The following TLL1 variants were observed in gnomAD, a reference collection of about 807,000 sequenced individuals.
TLL1 encodes tolloid-like protein 1.
TLL1 carries 49 observed loss-of-function variants against 128.2 expected under a neutral mutation model. The ratio of observed to expected loss-of-function variants is 0.38; its 90% CI spans 0.30 to 0.48. The LOEUF (loss-of-function observed/expected upper bound fraction) is 0.48. Ranked by LOEUF, TLL1 falls within the 20% of genes least tolerant of loss-of-function variation. The pLI is 0.96. For synonymous variants in TLL1, 454 were observed against 418.8 expected (o/e 1.08, Z -1.03); for missense variants, 1,123 against 1,242.0 (o/e 0.90, Z 1.44).
In TLL1 at chr4:166,103,068, T is replaced by A. The variant is rs958181778; in HGVS notation, c.*2192T>A. On this transcript the variant is annotated 3_prime_UTR_variant, in exon 21 of 21. Coordinates refer to ENST00000061240, the MANE Select transcript of TLL1 (RefSeq NM_012464.5). ...CTGTCATCATGTTCTCGTTTTGTAGTTCAGAAAGTGAGGCTCAAAGAATTT... is the reference window on the plus strand; with the variant it reads ...CTGTCATCATGTTCTCGTTTTGTAGATCAGAAAGTGAGGCTCAAAGAATTT... 3 of 151,874 alleles carry A rather than the reference T, an allele frequency of 2.0e-5. No homozygotes were observed. The highest frequency in any genetic ancestry group is 7.2e-5 in the African/African-American group (3 of 41,422). The allele number at this position is 151,874 out of a possible 1,614,324, so 9.4% of individuals were successfully genotyped here. A position where few individuals can be genotyped will look rare whatever the true frequency, so the allele number is the denominator to read the frequency against.
intron 1 of TLL1, among the ~76,000 whole-genome samples, chr4:165,963,748 A>G (rs756475254): frequency 3.3e-5 from 5 of 152,138 alleles, no homozygotes; most frequent in Non-Finnish European, 7.3e-5. Flanking sequence ...GCCTGGTAGG[A>G]TAGAAGAGAA....
At chr4:166,062,023 G>A (rs1740340069) in intron 15 of TLL1, among the ~76,000 whole-genome samples, 1 of 152,044 alleles carries the variant, frequency 6.6e-6, no homozygotes, top group African/African-American at 2.4e-5. Context: ...AGATCAGATG[G>A]TTGTAGATGT....
At chr4:165,911,386 G>C (rs1732519194) in intron 1 of TLL1, among the ~76,000 whole-genome samples, 1 of 151,960 alleles carries the variant, frequency 6.6e-6, no homozygotes, top group Admixed American at 6.6e-5. Flanking sequence ...CTTTTTTATG[G>C]CTGAATAGTA....
intron 1 of TLL1, among the ~76,000 whole-genome samples, chr4:165,975,899 G>A (rs941098604): frequency 2.0e-5 from 3 of 151,740 alleles, no homozygotes; most frequent in African/African-American, 4.8e-5. Context: ...TTAGCTGGGC[G>A]TGGTGGTGTG....
intron 5 of TLL1, among the ~76,000 whole-genome samples, chr4:166,002,626 G>A (rs1214794235): frequency 6.6e-6 from 1 of 151,806 alleles, no homozygotes; most frequent in Non-Finnish European, 1.5e-5. Context: ...TGAATTTTTT[G>A]TAGAGATGGG....
At chr4:166,043,547 C>A (rs1249084770) in intron 12 of TLL1, 128 bp downstream of exon 12, 1 of 1,396,170 alleles carries the variant, frequency 7.2e-7, no homozygotes, top group Non-Finnish European at 1.0e-6. Flanking sequence ...AGCAAAGGAT[C>A]GCTCATAAAA....
At chr4:166,096,747 G>A (rs1429692077) in intron 19 of TLL1, among the ~76,000 whole-genome samples, 1 of 152,094 alleles carries the variant, frequency 6.6e-6, no homozygotes, top group Non-Finnish European at 1.5e-5. Context: ...CTCAAACTTG[G>A]AGAAGAGGTA....
At chr4:166,093,732 C>G (rs1560867362) in intron 19 of TLL1, among the ~76,000 whole-genome samples, 1 of 152,146 alleles carries the variant, frequency 6.6e-6, no homozygotes, top group African/African-American at 2.4e-5. Flanking sequence ...TTGGACAATA[C>G]CCGGCTTTCC....
chr4:166,076,650 A>T (rs758939744), intron 17 of TLL1, among the ~76,000 whole-genome samples: 16 of 152,152 alleles, frequency 1.1e-4, no homozygotes, highest in Non-Finnish European at 2.2e-4. Context: ...ACCTAGTCTC[A>T]GTGTCATCGC....
At chr4:166,010,464 G>A (rs1307372517) in intron 7 of TLL1, among the ~76,000 whole-genome samples, 1 of 151,038 alleles carries the variant, frequency 6.6e-6, no homozygotes, top group Non-Finnish European at 1.5e-5. Flanking sequence ...CTATGCCCAT[G>A]TCTAAATCAG....
At chr4:165,975,633 A>T (rs1410663086) in intron 1 of TLL1, among the ~76,000 whole-genome samples, 2 of 152,198 alleles carry the variant, frequency 1.3e-5, no homozygotes, top group Non-Finnish European at 2.9e-5. Flanking sequence ...ATAAAGCTAA[A>T]TGCTAAAATC....
At chr4:165,883,445 C>T (rs186596162) in intron 1 of TLL1, among the ~76,000 whole-genome samples, 104 of 152,184 alleles carry the variant, frequency 6.8e-4, no homozygotes, top group African/African-American at 2.3e-3. Context: ...TAATACTAAA[C>T]CCCCCACATA....
At chr4:165,909,548 CA>C (rs1561022396) in intron 1 of TLL1, among the ~76,000 whole-genome samples, 1 of 152,084 alleles carries the variant, frequency 6.6e-6, no homozygotes, top group African/African-American at 2.4e-5. Context: ...GAGGAGGAAC[CA>C]GTAAGGAGCC....
chr4:165,996,378 G>A (rs1181188408), intron 5 of TLL1, among the ~76,000 whole-genome samples: 1 of 152,152 alleles, frequency 6.6e-6, no homozygotes, highest in Non-Finnish European at 1.5e-5. Context: ...AGAGGCCGAG[G>A]CAGATGGATA....
At chr4:165,935,323 A>G (rs1212071304) in intron 1 of TLL1, among the ~76,000 whole-genome samples, 1 of 152,210 alleles carries the variant, frequency 6.6e-6, no homozygotes, top group Admixed American at 6.5e-5. Flanking sequence ...TAGTTACCTT[A>G]GGAACACACT....
intron 18 of TLL1, among the ~76,000 whole-genome samples, chr4:166,079,760 G>A (rs2111143543): frequency 6.6e-6 from 1 of 152,184 alleles, no homozygotes; most frequent in Non-Finnish European, 1.5e-5. Context: ...GCCATTGTCT[G>A]TCTTCTGGGA....
chr4:166,019,077 G>A (rs1019638479), intron 8 of TLL1, among the ~76,000 whole-genome samples: 1 of 152,138 alleles, frequency 6.6e-6, no homozygotes, highest in African/African-American at 2.4e-5. Context: ...ATGGTGGGTT[G>A]GATTTTTAAA....
chr4:166,081,991 G>A (rs1741304289), intron 18 of TLL1, among the ~76,000 whole-genome samples: 1 of 152,064 alleles, frequency 6.6e-6, no homozygotes, highest in Non-Finnish European at 1.5e-5. Context: ...TTGAGAATTA[G>A]GACATAAAGC....
chr4:165,991,615 G>A (rs1260400305), intron 2 of TLL1, among the ~76,000 whole-genome samples: 1 of 151,796 alleles, frequency 6.6e-6, no homozygotes, highest in Non-Finnish European at 1.5e-5. Flanking sequence ...GCCTTATAAG[G>A]ACTTATTTGA....
Sources: gnomAD v4.1 joint callset for allele counts (sites outside exome capture counted in the v4.1 genomes callset) on GRCh38, gnomAD v4.1.1 for gene constraint, MANE v1.5 for transcripts, NCBI Gene and HGNC (gene_info 2026-07-23, HGNC 2026-07-21) for gene names.